Variants in KDM6A observed in about 807,000 individuals in gnomAD.
KDM6A encodes the protein lysine-specific demethylase 6A.
In KDM6A, 11 loss-of-function variants were observed where a neutral mutation model predicts 117.6. The observed-to-expected ratio is 0.09, with a 90% CI of 0.06 to 0.15. The LOEUF is 0.15. Ranked by LOEUF, KDM6A falls within the 10% of genes least tolerant of loss-of-function variation. KDM6A has a pLI of 1.00. For synonymous variants in KDM6A, 384 were observed against 396.1 expected, an observed-to-expected ratio of 0.97 and a Z score of 0.36; for missense variants, 799 against 1,077.3, an observed-to-expected ratio of 0.74 and a Z score of 3.62.
At chrX:44,913,061 A>G (rs1015369843) in intron 2 of KDM6A, among the ~76,000 whole-genome samples, 2 of 111,511 alleles carry the variant, frequency 1.8e-5, no homozygotes, top group African/African-American at 3.3e-5. Context: ...GCCCACTTAC[A>G]TACGGATTTT....
Position 45,107,404 on chromosome X carries a change from C to A in KDM6A, c.4035-6C>A, listed in dbSNP as rs755667030. ...CTGGTCACAAATAATTTCTCCCCCA[C>A]AATAGGTATTGTCTTCTAAGAACTC... On this transcript the variant is annotated splice_polypyrimidine_tract_variant and splice_region_variant and intron_variant, in intron 27 of 29. Coordinates refer to ENST00000611820, the MANE Select transcript of KDM6A (RefSeq NM_001291415.2). 1 of 1,204,782 alleles carries A rather than the reference C, an allele frequency of 8.3e-7. No individual in the cohort carries two copies. Among genetic ancestry groups the A allele is most frequent in the Non-Finnish European group, 1.1e-6 (1 of 890,776 alleles).
intron 2 of KDM6A, among the ~76,000 whole-genome samples, chrX:44,924,648 G>GTGT (rs2036190760): frequency 1.1e-5 from 1 of 90,456 alleles, no homozygotes; most frequent in East Asian, 3.6e-4. Context: ...GGTGGTCCTG[G>GTGT]GTGTGTGTGT....
At position 44,918,023 on chromosome X, in the gene KDM6A, TTTTC is replaced by T. The variant is rs1245120531; in HGVS notation, c.226-43257_226-43254del. On this transcript the variant is annotated intron_variant, in intron 2 of 29. Transcript: ENST00000611820. ...CATATTCTTGAGTGAATGTAATGGC[TTTTC>T]TTTGTGACTTTACAGTGTCTTATAC... 3.6e-5 allele frequency among the ~76,000 whole-genome samples: 4 copies of T among 111,880 alleles called. No individual in the cohort carries two copies. In the East Asian group the frequency reaches 8.4e-4, roughly 23 times the overall value.
intron 4 of KDM6A, 123 bp from the exon 5 acceptor site, chrX:45,010,838 T>C: frequency 2.0e-6 from 1 of 495,570 alleles, no homozygotes; most frequent in Non-Finnish European, 3.4e-6. Flanking sequence ...TTTAAAAATA[T>C]ATTGTAATGC....
intron 11 of KDM6A, 24 bp downstream of exon 11, chrX:45,059,128 A>G (rs765612306): frequency 8.4e-7 from 1 of 1,187,503 alleles, no homozygotes; most frequent in Admixed American, 2.2e-5. Flanking sequence ...TAAAAATAGT[A>G]GTAATTTAAT....
At chrX:45,065,104 A>T (rs1334033050) in intron 17 of KDM6A, among the ~76,000 whole-genome samples, 1 of 112,346 alleles carries the variant, frequency 8.9e-6, no homozygotes, top group African/African-American at 3.2e-5. Flanking sequence ...AGTTGCAGTT[A>T]TAAATCAGAA....
intron 2 of KDM6A, among the ~76,000 whole-genome samples, chrX:44,897,923 A>G (rs957348993): frequency 8.1e-5 from 9 of 111,288 alleles, no homozygotes; most frequent in Middle Eastern, 4.6e-3. Context: ...TGCAAGGGTT[A>G]GGTGGGTGTG....
In KDM6A at chrX:45,090,726, G is replaced by T. The variant is rs2045860031; in HGVS notation, c.3896G>T (p.Cys1299Phe). Residue 1299 changes from cysteine to phenylalanine, a missense_variant, in exon 27 of 30, where the codon TGC (cysteine) becomes TTC (phenylalanine). By Grantham distance (205) the Cys-to-Phe change is radical. Coordinates refer to ENST00000611820, the MANE Select transcript of KDM6A (RefSeq NM_001291415.2). ...TAACTGTTTTTTTTTTTCCTAGCCTGCCAGTATAAATTGGCAGTGGAACGG... is the reference window on the plus strand; with the variant it reads ...TAACTGTTTTTTTTTTTCCTAGCCTTCCAGTATAAATTGGCAGTGGAACGG... ...IAWNVGPLTA[C>F]QYKLAVERYE... 2 of 1,203,436 alleles carry T rather than the reference G, an allele frequency of 1.7e-6. No homozygotes were observed. Among genetic ancestry groups the T allele is most frequent in the Non-Finnish European group, 2.2e-6 (2 of 892,125 alleles).
intron 25 of KDM6A, among the ~76,000 whole-genome samples, chrX:45,087,037 CTG>C (rs1390249834): frequency 8.9e-6 from 1 of 112,890 alleles, no homozygotes; most frequent in Non-Finnish European, 1.9e-5. Flanking sequence ...GTTGCCCAGG[CTG>C]TAGTGCAGTG....
intron 2 of KDM6A, among the ~76,000 whole-genome samples, chrX:44,933,518 T>C (rs1477671667): frequency 1.9e-5 from 2 of 107,785 alleles, no homozygotes; most frequent in Non-Finnish European, 3.8e-5. Flanking sequence ...CATGATCCGC[T>C]AGTCTCAGCC....
rs960230200 is a variant in KDM6A at position 45,036,211 on chromosome X, T to G, written c.619+1226T>G. 2.7e-5 allele frequency among the ~76,000 whole-genome samples: 3 copies of G among 111,626 alleles called. No homozygotes were observed. In the South Asian group the frequency reaches 1.1e-3, roughly 41 times the overall value. On this transcript the variant is annotated intron_variant, in intron 7 of 29. Transcript: ENST00000611820. ...TAGCTCAGCTACAGCCTCCAACTCCTGCACTCAAGCGATCTTCCTGCCTTA... is the reference window on the plus strand; with the variant it reads ...TAGCTCAGCTACAGCCTCCAACTCCGGCACTCAAGCGATCTTCCTGCCTTA...
At chrX:45,020,473 T>C (rs956739962) in intron 5 of KDM6A, 137 bp from the exon 6 acceptor site, 1 of 642,025 alleles carries the variant, frequency 1.6e-6, no homozygotes, top group African/African-American at 2.2e-5. Context: ...TTTTTTAGTA[T>C]TTATTAACAT....
chrX:44,898,045 C>T (rs903949812), intron 2 of KDM6A, among the ~76,000 whole-genome samples: 1 of 111,647 alleles, frequency 9.0e-6, no homozygotes, highest in African/African-American at 3.3e-5. Context: ...TCCTCCCTTA[C>T]CCTCACATCT....
chrX:44,957,231 G>A (rs1326068696), intron 2 of KDM6A, among the ~76,000 whole-genome samples: 1 of 111,776 alleles, frequency 8.9e-6, no homozygotes, highest in Non-Finnish European at 1.9e-5. Flanking sequence ...AACCATTGGG[G>A]TATTAAAATC....
chrX:44,928,473 G>A (rs1292112195), intron 2 of KDM6A, among the ~76,000 whole-genome samples: 2 of 111,781 alleles, frequency 1.8e-5, no homozygotes, highest in African/African-American at 3.3e-5. Context: ...ATTCCAGTAT[G>A]TAAAATATTC....
intron 6 of KDM6A, among the ~76,000 whole-genome samples, chrX:45,023,191 G>T (rs1477658570): frequency 8.9e-6 from 1 of 111,809 alleles, no homozygotes; most frequent in East Asian, 2.8e-4. Context: ...GGGATAGGGT[G>T]GGTAAAAAGG....
chrX:44,998,696 G>A (rs916233478), intron 4 of KDM6A, among the ~76,000 whole-genome samples: 2 of 111,506 alleles, frequency 1.8e-5, no homozygotes, highest in African/African-American at 3.3e-5. Context: ...GTGAATTAGA[G>A]TCATGATACA....
At chrX:44,947,079 A>T (rs1200955685) in intron 2 of KDM6A, among the ~76,000 whole-genome samples, 1 of 111,972 alleles carries the variant, frequency 8.9e-6, no homozygotes, top group African/African-American at 3.3e-5. Flanking sequence ...TATTCCATTT[A>T]CATTTGTTGT....
chrX:45,073,438 G>A (rs973891604), intron 18 of KDM6A, among the ~76,000 whole-genome samples: 1 of 111,771 alleles, frequency 8.9e-6, no homozygotes, highest in African/African-American at 3.3e-5. Context: ...CTTGATCCTT[G>A]AGGAATCTCC....
Sources: gnomAD v4.1 joint callset for allele counts (sites outside exome capture counted in the v4.1 genomes callset) on GRCh38, gnomAD v4.1.1 for gene constraint, MANE v1.5 for transcripts, NCBI Gene and HGNC (gene_info 2026-07-23, HGNC 2026-07-21) for gene names.